DCAF1: variants seen among roughly 807,000 people sequenced by gnomAD.
The protein encoded by DCAF1 is DDB1- and CUL4-associated factor 1.
DCAF1 carries 15 observed loss-of-function variants against 128.0 expected under a neutral mutation model. The ratio of observed to expected loss-of-function variants is 0.12; its 90% CI spans 0.08 to 0.18. The LOEUF is 0.18. DCAF1 is among the 10% of genes least tolerant of loss of function. DCAF1 has a pLI of 1.00. For synonymous variants in DCAF1, 610 were observed against 603.0 expected, an observed-to-expected ratio of 1.01 and a Z score of -0.17; for missense variants, 988 against 1,649.5, an observed-to-expected ratio of 0.60 and a Z score of 6.95.
At chr3:51,466,679 G>A in intron 5 of DCAF1, 124 bp downstream of exon 5, 1 of 859,962 alleles carries the variant, frequency 1.2e-6, no homozygotes, top group Non-Finnish European at 1.8e-6. Flanking sequence ...CCAGGACTTT[G>A]GCAAAAAACT....
chr3:51,448,940 CAT>C (rs1178611051), intron 6 of DCAF1, among the ~76,000 whole-genome samples: 2 of 151,756 alleles, frequency 1.3e-5, no homozygotes, highest in African/African-American at 2.4e-5. Context: ...CAGAGTAAAC[CAT>C]ATGTTAGGCC....
intron 6 of DCAF1, among the ~76,000 whole-genome samples, chr3:51,455,403 C>T (rs1008004241): frequency 2.6e-5 from 4 of 151,148 alleles, no homozygotes; most frequent in Non-Finnish European, 5.9e-5. Flanking sequence ...CCCAGAAGTT[C>T]GAGACTAGCC....
intron 8 of DCAF1, 72 bp downstream of exon 8, chr3:51,441,313 C>G (rs902276570): frequency 2.7e-6 from 4 of 1,485,714 alleles, no homozygotes; most frequent in South Asian, 1.4e-5. Context: ...GTATAAAATA[C>G]TACCATAAAA....
chr3:51,481,286 G>A (rs1001238388), intron 3 of DCAF1, among the ~76,000 whole-genome samples: 4 of 152,268 alleles, frequency 2.6e-5, no homozygotes, highest in South Asian at 4.2e-4. Flanking sequence ...AATCCTATTT[G>A]TGTATGAGAA....
chr3:51,400,827 G>A (rs1165915443), intron 24 of DCAF1, among the ~76,000 whole-genome samples: 1 of 151,930 alleles, frequency 6.6e-6, no homozygotes, highest in African/African-American at 2.4e-5. Flanking sequence ...CTGACAAGCA[G>A]AGACACATAA....
intron 6 of DCAF1, among the ~76,000 whole-genome samples, chr3:51,446,963 A>AAATAAT (rs59908556): frequency 0.054 from 7,430 of 136,894 alleles, 478 homozygotes; most frequent in African/African-American, 0.15. Context: ...TTTGTCTCAA[A>AAATAAT]AATAATAATA....
chr3:51,468,684 C>G (rs1381978234), intron 4 of DCAF1, among the ~76,000 whole-genome samples: 3 of 151,858 alleles, frequency 2.0e-5, no homozygotes, highest in East Asian at 3.9e-4. Flanking sequence ...AAACAAGGAC[C>G]GTAGTTACCT....
chr3:51,422,239 A>G, intron 14 of DCAF1, 68 bp downstream of exon 14: 1 of 716,192 alleles, frequency 1.4e-6, no homozygotes, highest in South Asian at 1.5e-5. Flanking sequence ...TAAGTAACCA[A>G]GACCAGAGTG....
chr3:51,432,546 C>T lies in DCAF1; in HGVS notation c.1287+560G>A, dbSNP rs1015122771. ...CAGTCTCGGCTCACTGCAACCTCCG[C>T]CTCCTGGGTTCAAGCAATTATCCTG... On this transcript the variant is annotated intron_variant, in intron 10 of 24. Transcript: ENST00000684031. 2.6e-5 allele frequency among the ~76,000 whole-genome samples: 4 copies of T among 151,976 alleles called. No individual in the cohort carries two copies. The South Asian group carries it at 8.3e-4, about 32-fold the overall frequency.
intron 3 of DCAF1, among the ~76,000 whole-genome samples, chr3:51,478,186 T>C (rs1368439284): frequency 6.6e-6 from 1 of 152,100 alleles, no homozygotes; most frequent in African/African-American, 2.4e-5. Context: ...GTATTTTTTG[T>C]AGAGACAACA....
At chr3:51,450,838 T>TA (rs1702271818) in intron 6 of DCAF1, among the ~76,000 whole-genome samples, 1 of 151,768 alleles carries the variant, frequency 6.6e-6, no homozygotes, top group South Asian at 2.1e-4. Context: ...CTAGTGAGAG[T>TA]AATTAGACAT....
chr3:51,427,570 T>C (rs1700011559), intron 12 of DCAF1, 29 bp from the exon 13 acceptor site: 2 of 594,630 alleles, frequency 3.4e-6, no homozygotes, highest in South Asian at 4.4e-5. Context: ...AGTATTATTA[T>C]TATATATAAC....
Position 51,403,179 on chromosome 3 carries a change from CAG to C in DCAF1, c.4427_4428del (p.Ser1476Ter). On this transcript the variant is annotated frameshift_variant, in exon 24 of 25. Coordinates refer to ENST00000684031, the MANE Select transcript of DCAF1 (RefSeq NM_001387579.1). LOFTEE classifies it high-confidence loss of function. Reference protein sequence around the residue: ...EEGEDGEDEDSDADEEVELIL... With the variant: ...EEGEDGEDEDXDADEEVELIL... ...ATCAGTTCCACCTCCTCATCTGCAT[CAG>C]AGTCTTCATCCTCCCCGTCCTCTCC... is the stretch of plus-strand genomic sequence containing the variant. 1 of 1,613,898 alleles carries C rather than the reference CAG, an allele frequency of 6.2e-7. No individual in the cohort carries two copies. The highest frequency in any genetic ancestry group is 8.5e-7 in the Non-Finnish European group (1 of 1,179,834).
At chr3:51,413,852 C>A in intron 20 of DCAF1, 98 bp downstream of exon 20, 2 of 1,279,978 alleles carry the variant, frequency 1.6e-6, no homozygotes, top group Non-Finnish European at 2.0e-6. Context: ...CAAATGCTTT[C>A]CAATTCACAA....
chr3:51,502,079 T>C (rs1383576852), upstream of DCAF1, among the ~76,000 whole-genome samples: 12 of 152,274 alleles, frequency 7.9e-5, no homozygotes, highest in African/African-American at 2.9e-4. Flanking sequence ...GGATGGGACA[T>C]TTAAGCCTTG....
At chr3:51,418,287 T>C in intron 16 of DCAF1, 89 bp from the exon 17 acceptor site, 2 of 1,513,404 alleles carry the variant, frequency 1.3e-6, no homozygotes, top group Non-Finnish European at 1.8e-6. Context: ...AAGATTTGCA[T>C]AAAAATGTTG....
At chr3:51,487,247 G>C (rs1161563532) in intron 2 of DCAF1, among the ~76,000 whole-genome samples, 3 of 152,202 alleles carry the variant, frequency 2.0e-5, no homozygotes, top group African/African-American at 7.2e-5. Flanking sequence ...TGGGATTACA[G>C]GCGTGAGCCA....
chr3:51,448,861 C>T (rs1206159784), intron 6 of DCAF1, among the ~76,000 whole-genome samples: 1 of 151,954 alleles, frequency 6.6e-6, no homozygotes, highest in African/African-American at 2.4e-5. Context: ...CACCCAACAA[C>T]AGTAGATTAC....
Position 51,398,537 on chromosome 3 carries a change from G to T in DCAF1, c.*232C>A. 1 of 498,052 alleles carries T rather than the reference G, an allele frequency of 2.0e-6. No individual in the cohort carries two copies. The highest frequency in any genetic ancestry group is 3.5e-6 in the Non-Finnish European group (1 of 282,168). 30.9% of individuals were successfully genotyped at this position (498,052 alleles called of 1,614,324 possible). On this transcript the variant is annotated 3_prime_UTR_variant, in exon 25 of 25. Coordinates refer to ENST00000684031, the MANE Select transcript of DCAF1 (RefSeq NM_001387579.1). ...TCCTAGGAAATGGTGGGGGGTGGAT[G>T]TGGGGGGTGCAGAGTAGGGCCTAGT...
Sources: gnomAD v4.1 joint callset for allele counts (sites outside exome capture counted in the v4.1 genomes callset) on GRCh38, gnomAD v4.1.1 for gene constraint, MANE v1.5 for transcripts, NCBI Gene and HGNC (gene_info 2026-07-23, HGNC 2026-07-21) for gene names.